The following CNTNAP2 variants were observed in gnomAD, a reference collection of about 807,000 sequenced individuals.
CNTNAP2 encodes the protein contactin associated protein 2, also known as contactin-associated protein-like 2.
In CNTNAP2, 98 loss-of-function variants were observed where a neutral mutation model predicts 155.2. The observed-to-expected ratio is 0.63, with a 90% CI of 0.54 to 0.75. The LOEUF is 0.75. Among genes scored for constraint, CNTNAP2 ranks in the 30% least tolerant of loss-of-function variants. CNTNAP2 has a pLI of 0.00. For missense variants in CNTNAP2, 1,727 were observed against 1,688.1 expected, an observed-to-expected ratio of 1.02 and a Z score of -0.40; for synonymous variants, 651 against 631.2, an observed-to-expected ratio of 1.03 and a Z score of -0.47.
chr7:147,328,809 C>A (rs929200049), intron 9 of CNTNAP2, among the ~76,000 whole-genome samples: 2 of 146,052 alleles, frequency 1.4e-5, no homozygotes, highest in South Asian at 4.3e-4. Flanking sequence ...CCATATTACT[C>A]AGCTCTCTTG....
intron 1 of CNTNAP2, among the ~76,000 whole-genome samples, chr7:146,443,607 T>G (rs1266354331): frequency 1.3e-5 from 2 of 152,226 alleles, no homozygotes. Context: ...GTGACCACAG[T>G]GTCGTCATTT....
chr7:146,407,358 C>T (rs1795807044), intron 1 of CNTNAP2, among the ~76,000 whole-genome samples: 1 of 152,110 alleles, frequency 6.6e-6, no homozygotes, highest in African/African-American at 2.4e-5. Context: ...TAGGTGGTGT[C>T]ATGCTGTTAC....
At chr7:146,938,771 AC>A (rs1796982177) in intron 3 of CNTNAP2, among the ~76,000 whole-genome samples, 1 of 152,120 alleles carries the variant, frequency 6.6e-6, no homozygotes, top group South Asian at 2.1e-4. Context: ...ACAAAAAATT[AC>A]GCATTTCATT....
At chr7:146,306,443 A>T (rs1358364494) in intron 1 of CNTNAP2, among the ~76,000 whole-genome samples, 5 of 152,176 alleles carry the variant, frequency 3.3e-5, no homozygotes, top group Admixed American at 2.0e-4. Context: ...AACACAACAA[A>T]AAAAGAGAAT....
chr7:148,099,871 T>G (rs1174417640), intron 15 of CNTNAP2, among the ~76,000 whole-genome samples: 5 of 102,416 alleles, frequency 4.9e-5, no homozygotes, highest in African/African-American at 2.3e-4. Flanking sequence ...TTTTTTGGTT[T>G]TTTTTTTTTT....
At chr7:147,225,898 G>GGAAA (rs1563123942) in intron 8 of CNTNAP2, among the ~76,000 whole-genome samples, 3 of 116,898 alleles carry the variant, frequency 2.6e-5, no homozygotes, top group Non-Finnish European at 3.7e-5. Flanking sequence ...AAGGAAGGAA[G>GGAAA]GAAGGAAAGA....
chr7:147,281,971 C>T (rs1298019456), intron 8 of CNTNAP2, among the ~76,000 whole-genome samples: 2 of 151,836 alleles, frequency 1.3e-5, no homozygotes, highest in African/African-American at 2.4e-5. Context: ...TTCTGTGAAA[C>T]TGCTGTTGGG....
intron 13 of CNTNAP2, among the ~76,000 whole-genome samples, chr7:147,736,975 CT>C (rs1169066780): frequency 6.6e-6 from 1 of 152,178 alleles, no homozygotes; most frequent in Non-Finnish European, 1.5e-5. Flanking sequence ...GAACTTCTTC[CT>C]TTAGCTCAGA....
intron 1 of CNTNAP2, among the ~76,000 whole-genome samples, chr7:146,171,725 A>G (rs1304510217): frequency 1.3e-5 from 2 of 152,172 alleles, no homozygotes; most frequent in South Asian, 2.1e-4. Flanking sequence ...ATGCTCTGGA[A>G]ATAGTATCAT....
chr7:147,912,085 A>G lies in CNTNAP2; in HGVS notation c.2255+8364A>G, dbSNP rs1377080950. On this transcript the variant is annotated intron_variant, in intron 14 of 23. Transcript: ENST00000361727. ...TCAAATCCTAGTCCTATTGCTTGCT[A>G]GTTCAGTGACCTTCAGCAAGTTATA... 2.0e-5 allele frequency among the ~76,000 whole-genome samples: 3 copies of G among 152,152 alleles called. 1 individual carries two copies. Among genetic ancestry groups the G allele is most frequent in the Non-Finnish European group, 4.4e-5 (3 of 68,018 alleles).
At chr7:146,745,274 G>A (rs1202315116) in intron 1 of CNTNAP2, among the ~76,000 whole-genome samples, 1 of 152,078 alleles carries the variant, frequency 6.6e-6, no homozygotes, top group African/African-American at 2.4e-5. Context: ...AATTGTGCTA[G>A]GTATTGCTCC....
intron 1 of CNTNAP2, among the ~76,000 whole-genome samples, chr7:146,554,806 C>T (rs1235918845): frequency 6.6e-6 from 1 of 152,170 alleles, no homozygotes; most frequent in African/African-American, 2.4e-5. Flanking sequence ...GGTAAGGCAG[C>T]GTAAGAGCCA....
chr7:147,927,752 G>A (rs1585033279), intron 14 of CNTNAP2, among the ~76,000 whole-genome samples: 2 of 152,116 alleles, frequency 1.3e-5, no homozygotes, highest in African/African-American at 4.8e-5. Context: ...ATATTCCCTG[G>A]GTGACTTTTT....
chr7:148,158,246 CAG>C (rs148984733), intron 17 of CNTNAP2, among the ~76,000 whole-genome samples: 3 of 35,644 alleles, frequency 8.4e-5, no homozygotes, highest in Non-Finnish European at 1.4e-4. Context: ...TTTTTTGAGA[CAG>C]AGTCTCCCTC....
At chr7:147,369,766 T>A (rs146033821) in intron 9 of CNTNAP2, among the ~76,000 whole-genome samples, 60 of 152,334 alleles carry the variant, frequency 3.9e-4, no homozygotes, top group African/African-American at 1.4e-3. Context: ...GAGGCCCTCC[T>A]CAACTTTCAC....
At chr7:146,261,547 C>T (rs1383136734) in intron 1 of CNTNAP2, among the ~76,000 whole-genome samples, 2 of 151,858 alleles carry the variant, frequency 1.3e-5, no homozygotes, top group Admixed American at 6.6e-5. Flanking sequence ...TTCCCTATTA[C>T]CTATATGCAG....
intron 13 of CNTNAP2, among the ~76,000 whole-genome samples, chr7:147,802,201 C>A (rs1182701766): frequency 1.3e-5 from 2 of 148,300 alleles, no homozygotes; most frequent in African/African-American, 5.1e-5. Flanking sequence ...GAGGTGCTCC[C>A]CACATCTCAG....
chr7:146,224,591 CAAAA>C (rs35333614), intron 1 of CNTNAP2, among the ~76,000 whole-genome samples: 1 of 148,268 alleles, frequency 6.7e-6, no homozygotes. Flanking sequence ...ACAAAAAATA[CAAAA>C]AAAAAAAAAG....
At chr7:147,527,021 T>C (rs1435888524) in intron 11 of CNTNAP2, among the ~76,000 whole-genome samples, 16 of 132,894 alleles carry the variant, frequency 1.2e-4, no homozygotes, top group African/African-American at 4.9e-4. Flanking sequence ...ATTTCTTTTT[T>C]TTTTTTTTTT....
Sources: gnomAD v4.1 joint callset for allele counts (sites outside exome capture counted in the v4.1 genomes callset) on GRCh38, gnomAD v4.1.1 for gene constraint, MANE v1.5 for transcripts, NCBI Gene and HGNC (gene_info 2026-07-23, HGNC 2026-07-21) for gene names.